Variants in TUSC3 observed in about 807,000 individuals in gnomAD.
TUSC3 encodes the protein tumor suppressor candidate 3, also known as dolichyl-diphosphooligosaccharide--protein glycosyltransferase subunit TUSC3.
In TUSC3, 45 loss-of-function variants were observed where a neutral mutation model predicts 44.8. That is an observed-to-expected ratio of 1.00 (90% confidence interval 0.79 to 1.29). TUSC3 has a LOEUF of 1.29. Among genes scored for constraint, TUSC3 ranks in the 50% most tolerant of loss-of-function variants. The pLI is 0.00. For missense variants in TUSC3, 519 were observed against 437.9 expected, an observed-to-expected ratio of 1.19 and a Z score of -1.65; for synonymous variants, 212 against 152.9, an observed-to-expected ratio of 1.39 and a Z score of -2.85.
At chr8:15,522,567 A>C (rs906213684) in intron 2 of TUSC3, among the ~76,000 whole-genome samples, 19 of 150,428 alleles carry the variant, frequency 1.3e-4, no homozygotes, top group African/African-American at 4.2e-4. Context: ...ACCTTGAGAC[A>C]GTAGTCACGA....
intron 1 of TUSC3, among the ~76,000 whole-genome samples, chr8:15,584,118 A>C (rs1273941060): frequency 6.6e-6 from 1 of 152,210 alleles, no homozygotes; most frequent in African/African-American, 2.4e-5. Flanking sequence ...TTAGATGTTT[A>C]ATTGATGTTA....
intron 1 of TUSC3, among the ~76,000 whole-genome samples, chr8:15,552,878 T>C (rs1563285947): frequency 6.6e-6 from 1 of 151,738 alleles, no homozygotes. Context: ...AAGAGGCTTC[T>C]GCAGATGTCA....
intron 1 of TUSC3, among the ~76,000 whole-genome samples, chr8:15,455,923 A>T (rs1297026623): frequency 6.6e-6 from 1 of 152,198 alleles, no homozygotes; most frequent in Non-Finnish European, 1.5e-5. Context: ...CCTGCAGATA[A>T]CATCCACTAC....
the TUSC3 span, among the ~76,000 whole-genome samples, chr8:15,824,728 G>A: frequency 2.0e-5 from 3 of 152,126 alleles, no homozygotes; most frequent in African/African-American, 7.2e-5. Flanking sequence ...TTGTGCACAT[G>A]TACCCTAAAA....
At chr8:15,682,220 C>A (rs1235622770) in intron 6 of TUSC3, among the ~76,000 whole-genome samples, 2 of 152,094 alleles carry the variant, frequency 1.3e-5, no homozygotes, top group African/African-American at 4.8e-5. Context: ...TGTTAATTTT[C>A]TGCCTCAGTT....
At chr8:15,546,624 C>G (rs1298787683) in intron 1 of TUSC3, among the ~76,000 whole-genome samples, 1 of 151,580 alleles carries the variant, frequency 6.6e-6, no homozygotes, top group Non-Finnish European at 1.5e-5. Context: ...CAACCTCTGC[C>G]TCCTGGGTTC....
chr8:15,561,957 C>T (rs1384974136), intron 1 of TUSC3, among the ~76,000 whole-genome samples: 1 of 152,172 alleles, frequency 6.6e-6, no homozygotes, highest in African/African-American at 2.4e-5. Flanking sequence ...GCAGAAATCA[C>T]CATCTTCTGC....
intron 1 of TUSC3, among the ~76,000 whole-genome samples, chr8:15,540,833 T>A (rs1801663277): frequency 6.6e-6 from 1 of 152,190 alleles, no homozygotes; most frequent in Non-Finnish European, 1.5e-5. Flanking sequence ...GCGCCTTTAT[T>A]CCCAGCTGGA....
At chr8:15,476,802 C>A (rs756167464) in intron 1 of TUSC3, among the ~76,000 whole-genome samples, 2 of 152,146 alleles carry the variant, frequency 1.3e-5, no homozygotes, top group Non-Finnish European at 2.9e-5. Context: ...TTGGTGTACA[C>A]CCCATGCAAA....
intron 8 of TUSC3, among the ~76,000 whole-genome samples, chr8:15,744,613 T>G (rs887505178): frequency 6.6e-6 from 1 of 152,142 alleles, no homozygotes; most frequent in Non-Finnish European, 1.5e-5. Context: ...TTAAAAGTCT[T>G]AGGGGTAGAA....
chr8:15,776,091 G>T, the TUSC3 span, among the ~76,000 whole-genome samples: 7 of 151,920 alleles, frequency 4.6e-5, no homozygotes, highest in Non-Finnish European at 8.8e-5. Context: ...TAAAGCACTG[G>T]CATCTTATCA....
At chr8:15,628,132 G>A (rs1053812968) in intron 2 of TUSC3, among the ~76,000 whole-genome samples, 8 of 152,096 alleles carry the variant, frequency 5.3e-5, no homozygotes, top group African/African-American at 1.9e-4. Flanking sequence ...AATATTTTAA[G>A]AAAATCTTTT....
At chr8:15,634,062 T>TG (rs1805950869) in intron 2 of TUSC3, among the ~76,000 whole-genome samples, 1 of 152,202 alleles carries the variant, frequency 6.6e-6, no homozygotes, top group African/African-American at 2.4e-5. Context: ...CATAAACACT[T>TG]GAAGGTCTCT....
At chr8:15,540,683 C>G (rs949452609) in intron 1 of TUSC3, 115 bp downstream of exon 1, 23 of 1,358,988 alleles carry the variant, frequency 1.7e-5, no homozygotes, top group Non-Finnish European at 1.8e-5. Context: ...TGGGCGATGC[C>G]GGCGCTGGGG....
intron 1 of TUSC3, among the ~76,000 whole-genome samples, chr8:15,611,928 C>A (rs1303780369): frequency 6.6e-6 from 1 of 152,218 alleles, no homozygotes; most frequent in Non-Finnish European, 1.5e-5. Context: ...CGATATGCAT[C>A]TGGCTGCTCA....
Position 15,475,769 on chromosome 8 carries a change from C to G in TUSC3, n.92-7617C>G, listed in dbSNP as rs190084958. 2.7e-3 allele frequency among the ~76,000 whole-genome samples: 412 copies of G among 152,186 alleles called. 4 individuals are homozygous for G. The highest frequency in any genetic ancestry group is 9.5e-3 in the African/African-American group (395 of 41,538). ...ATAAATACAGAGTAAAGGGAAGGAA[C>G]TAGTTTGCATTTTATAAAAGTACTT... is the stretch of plus-strand genomic sequence containing the variant. On this transcript the variant is annotated intron_variant and non_coding_transcript_variant, in intron 1 of 5. Transcript: ENST00000503191.
At chr8:15,472,108 A>T (rs10217053) in intron 1 of TUSC3, among the ~76,000 whole-genome samples, 15,766 of 152,250 alleles carry the variant, frequency 0.1, 1,101 homozygotes, top group African/African-American at 0.2. Context: ...AAAACTTTTT[A>T]GGTATATTTT....
chr8:15,814,838 G>C, the TUSC3 span, among the ~76,000 whole-genome samples: 12 of 152,178 alleles, frequency 7.9e-5, no homozygotes, highest in African/African-American at 2.6e-4. Context: ...TGAAAACCAG[G>C]TGATCCAGGA....
At chr8:15,806,146 T>G in the TUSC3 span, 1 of 467,374 alleles carries the variant, frequency 2.1e-6, no homozygotes, top group Non-Finnish European at 4.2e-6. Context: ...GATGAGCAGT[T>G]TTAGCACATA....
Sources: allele counts gnomAD v4.1 joint callset (sites outside exome capture counted in the v4.1 genomes callset), GRCh38; gene constraint gnomAD v4.1.1; transcripts MANE v1.5; gene names NCBI Gene and HGNC (gene_info 2026-07-23, HGNC 2026-07-21).